PCDHGA5: variants seen among roughly 807,000 people sequenced by gnomAD.
PCDHGA5 encodes protocadherin gamma-A5.
In PCDHGA5, 36 loss-of-function variants were observed where a neutral mutation model predicts 56.7. The ratio of observed to expected loss-of-function variants is 0.64; its 90% CI spans 0.49 to 0.84. The LOEUF is 0.84. Among genes scored for constraint, PCDHGA5 ranks in the 40% least tolerant of loss-of-function variants. The probability of loss-of-function intolerance (pLI) is 0.00; values close to 1 mark genes in which losing one functional copy is unlikely to be tolerated. For missense variants in PCDHGA5, 1,305 were observed against 1,201.5 expected (o/e 1.09, Z -1.27); for synonymous variants, 563 against 520.2 (o/e 1.08, Z -1.12).
chr5:141,370,960 G>A, intron 1 of PCDHGA5: 2 of 1,614,014 alleles, frequency 1.2e-6, no homozygotes, highest in Non-Finnish European at 1.7e-6. Context: ...CTGGATGGCA[G>A]TAGGTACCCA....
intron 1 of PCDHGA5, chr5:141,423,689 G>T: frequency 7.1e-7 from 1 of 1,400,130 alleles, no homozygotes; most frequent in Non-Finnish European, 9.4e-7. Context: ...CCTCCTAATT[G>T]TTGGTGTCTT....
intron 1 of PCDHGA5, among the ~76,000 whole-genome samples, chr5:141,437,886 C>A (rs763669578): frequency 6.6e-6 from 1 of 152,022 alleles, no homozygotes; most frequent in Non-Finnish European, 1.5e-5. Flanking sequence ...TACAGGCACA[C>A]GCCACCACAC....
intron 1 of PCDHGA5, chr5:141,414,994 T>G (rs1390374290): frequency 6.2e-7 from 1 of 1,613,744 alleles, no homozygotes; most frequent in South Asian, 1.1e-5. Flanking sequence ...CCAGAACGCC[T>G]GGCTGTCCTA....
chr5:141,387,871 G>A (rs1275687057), intron 1 of PCDHGA5: 4 of 1,589,520 alleles, frequency 2.5e-6, no homozygotes, highest in Admixed American at 1.8e-5. Context: ...AGCAAGCTGA[G>A]GAGAGCAAGA....
rs2099410057 is a variant in PCDHGA5, at chr5:141,477,370, G to C, written c.2422-17437G>C. The C allele has an allele frequency of 6.2e-7, 1 of 1,614,054 alleles. No homozygotes were observed. On this transcript the variant is annotated intron_variant, in intron 1 of 3. Coordinates refer to ENST00000518069, the MANE Select transcript of PCDHGA5 (RefSeq NM_018918.3). This position sits in a 1 kb window ranked among gnomAD's most constrained non-coding sequence, Gnocchi z 4.9. The stretch of plus-strand genomic sequence containing the variant: ...AAACCAGTGCAGACCTGGATCGGGA[G>C]ACTGTGCCAGAATACAACCTCAGCA...
At position 141,365,584 on chromosome 5, in the gene PCDHGA5, T is replaced by C. The variant is rs778067515; in HGVS notation, c.1254T>C (p.Tyr418=). 1 of 1,613,724 alleles carries C rather than the reference T, an allele frequency of 6.2e-7. No individual in the cohort carries two copies. ...RDLDREETSD[Y]NITLTVMDHG... Reference sequence around the variant, plus strand: ...TGGACAGAGAAGAGACTTCAGATTATAATATCACTTTAACCGTCATGGACC... The same window carrying C: ...TGGACAGAGAAGAGACTTCAGATTACAATATCACTTTAACCGTCATGGACC... Residue 418 remains tyrosine, a synonymous_variant, in exon 1 of 4, where the codon TAT becomes TAC. Transcript: ENST00000518069.
At chr5:141,393,177 G>T (rs1330463387) in intron 1 of PCDHGA5, 1 of 1,613,292 alleles carries the variant, frequency 6.2e-7, no homozygotes, top group Non-Finnish European at 8.5e-7. Context: ...GGTAGAAATA[G>T]AAATAATTGA....
At chr5:141,383,559 G>C in intron 1 of PCDHGA5, 1 of 1,612,810 alleles carries the variant, frequency 6.2e-7, no homozygotes, top group Non-Finnish European at 8.5e-7. Context: ...GCGGCGACCC[G>C]CCCCGATCCA....
Position 141,485,519 on chromosome 5 carries a change from A to T in PCDHGA5, c.2422-9288A>T. ...GTTTGTCACCGAAGGTCCTTTGGAA[A>T]TGTACCGAGCAGAGGTAGAGATCGT... On this transcript the variant is annotated intron_variant, in intron 1 of 3. Transcript: ENST00000518069. The surrounding 1 kb of genome is among the most constrained non-coding windows in gnomAD (Gnocchi z 5.7). The T allele has an allele frequency of 6.2e-7, 1 of 1,614,150 alleles. No individual in the cohort carries two copies. The highest frequency in any genetic ancestry group is 8.5e-7 in the Non-Finnish European group (1 of 1,180,018).
chr5:141,403,388 G>A (rs1376620471), intron 1 of PCDHGA5: 1 of 1,613,904 alleles, frequency 6.2e-7, no homozygotes, highest in African/African-American at 1.3e-5. Context: ...TAACGAAATC[G>A]CGGTTCCTGG....
intron 1 of PCDHGA5, among the ~76,000 whole-genome samples, chr5:141,438,593 T>C (rs982159150): frequency 4.1e-5 from 3 of 73,984 alleles, no homozygotes; most frequent in Non-Finnish European, 5.5e-5. Flanking sequence ...CATACATACA[T>C]ATATATATAT....
intron 1 of PCDHGA5, among the ~76,000 whole-genome samples, chr5:141,456,919 C>T (rs2098898169): frequency 1.3e-5 from 2 of 152,124 alleles, no homozygotes; most frequent in South Asian, 4.1e-4. Context: ...GCCGAGATCG[C>T]ACCACTGCAC....
At chr5:141,472,332 G>A (rs566731120) in intron 1 of PCDHGA5, among the ~76,000 whole-genome samples, 1 of 152,116 alleles carries the variant, frequency 6.6e-6, no homozygotes, top group East Asian at 1.9e-4. Flanking sequence ...ACGAGGTTGG[G>A]AGATCGAGAC....
rs1220924698 is a variant in PCDHGA5 at position 141,366,697 on chromosome 5, G to T, written c.2367G>T (p.Glu789Asp). The T allele has an allele frequency of 1.2e-6, 2 of 1,614,132 alleles. No individual in the cohort carries two copies. Among genetic ancestry groups the T allele is most frequent in the African/African-American group, 2.7e-5 (2 of 74,950 alleles). Residue 789 changes from glutamate to aspartate, a missense_variant, in exon 1 of 4, where the codon GAG becomes GAT. Coordinates refer to ENST00000518069, the MANE Select transcript of PCDHGA5 (RefSeq NM_018918.3). ...LLSEESCEKSEPLLMSDKVDA... is the reference protein window; with the variant it reads ...LLSEESCEKSDPLLMSDKVDA... ...GTGAAGAGAGCTGTGAGAAAAGCGA[G>T]CCTCTTCTGATGTCTGATAAGGTAG...
chr5:141,399,955 C>G, intron 1 of PCDHGA5: 1 of 1,612,146 alleles, frequency 6.2e-7, no homozygotes. Flanking sequence ...GGCTAGCGAG[C>G]CCGGGCTCTT....
rs747917835 is a variant in PCDHGA5 at position 141,487,659 on chromosome 5, AT to A, written c.2422-7147del. 3.7e-6 allele frequency: 6 copies of A among 1,613,466 alleles called. No homozygotes were observed. Among genetic ancestry groups the A allele is most frequent in the Non-Finnish European group, 5.1e-6 (6 of 1,179,716 alleles). On this transcript the variant is annotated intron_variant, in intron 1 of 3. Coordinates refer to ENST00000518069, the MANE Select transcript of PCDHGA5 (RefSeq NM_018918.3). This position sits in a 1 kb window ranked among gnomAD's most constrained non-coding sequence, Gnocchi z 5.0. ...CAACAAATGCTTGAGGGTTATTCTGATCCAGGCATATGGCTAGGCCATGTCC... is the reference window on the plus strand; with the variant it reads ...CAACAAATGCTTGAGGGTTATTCTGACCAGGCATATGGCTAGGCCATGTCC...
chr5:141,497,702 G>A (rs904199928), intron 2 of PCDHGA5, among the ~76,000 whole-genome samples: 16 of 152,054 alleles, frequency 1.1e-4, no homozygotes, highest in African/African-American at 3.9e-4. Context: ...ACCACACCCA[G>A]CTCATTTTTG....
chr5:141,371,171 C>T, intron 1 of PCDHGA5: 1 of 1,614,048 alleles, frequency 6.2e-7, no homozygotes, highest in Non-Finnish European at 8.5e-7. Flanking sequence ...CCGCTGGCTC[C>T]TCCGTATTAA....
intron 1 of PCDHGA5, among the ~76,000 whole-genome samples, chr5:141,407,377 C>A (rs1436703926): frequency 6.6e-6 from 1 of 152,170 alleles, no homozygotes; most frequent in Non-Finnish European, 1.5e-5. Context: ...TCCATGAAGG[C>A]TTGTATGTCA....
Sources: gnomAD v4.1 joint callset for allele counts (sites outside exome capture counted in the v4.1 genomes callset) on GRCh38, gnomAD v4.1.1 for gene constraint, Gnocchi (gnomAD v3.1) non-coding constraint, MANE v1.5 for transcripts, NCBI Gene and HGNC (gene_info 2026-07-23, HGNC 2026-07-21) for gene names.